CFAP20DC: variants seen among roughly 807,000 people sequenced by gnomAD.
The protein encoded by CFAP20DC is CFAP20 domain containing.
In CFAP20DC, 84 loss-of-function variants were observed where a neutral mutation model predicts 101.7. The ratio of observed to expected loss-of-function variants is 0.83; its 90% CI spans 0.69 to 0.99. CFAP20DC has a LOEUF of 0.99. Among genes scored for constraint, CFAP20DC ranks in the 50% least tolerant of loss-of-function variants. The probability of loss-of-function intolerance (pLI) is 0.00; values close to 1 mark genes in which losing one functional copy is unlikely to be tolerated. For missense variants in CFAP20DC, 1,007 were observed against 970.3 expected (o/e 1.04, Z -0.50); for synonymous variants, 359 against 351.2 (o/e 1.02, Z -0.25).
At chr3:59,038,222 T>C (rs1205603277) in intron 4 of CFAP20DC, among the ~76,000 whole-genome samples, 2 of 152,142 alleles carry the variant, frequency 1.3e-5, no homozygotes, top group African/African-American at 4.8e-5. Context: ...ATGGCACGTG[T>C]ATACCCATGT....
At chr3:58,930,734 A>C (rs748951498) in intron 5 of CFAP20DC, among the ~76,000 whole-genome samples, 52 of 152,214 alleles carry the variant, frequency 3.4e-4, no homozygotes, top group Non-Finnish European at 5.9e-4. Flanking sequence ...CTGGTTTTCC[A>C]CTTATAAAAG....
chr3:58,849,486 T>C (rs948915356), intron 12 of CFAP20DC, 77 bp from the exon 13 acceptor site: 4 of 1,082,762 alleles, frequency 3.7e-6, no homozygotes, highest in Admixed American at 3.0e-5. Flanking sequence ...AAGTTCTTAA[T>C]AAATTCATAT....
In CFAP20DC at chr3:58,863,511, A is replaced by C; in HGVS notation, c.1593+47T>G. 6.2e-7 allele frequency: 1 copy of C among 1,604,358 alleles called. No homozygotes were observed. Among genetic ancestry groups the C allele is most frequent in the Non-Finnish European group, 8.5e-7 (1 of 1,176,240 alleles). On this transcript the variant is annotated intron_variant, in intron 12 of 16. Coordinates refer to ENST00000482387, the MANE Select transcript of CFAP20DC (RefSeq NM_001394063.1). This position sits in a 1 kb window ranked among gnomAD's most constrained non-coding sequence, Gnocchi z 5.9. ...CTTGTTTTAGTGCTTATTGGAGCTA[A>C]GGAAACAACTGTGCTTCAAGACTAC...
At chr3:58,822,874 A>G (rs1050321583) in intron 14 of CFAP20DC, among the ~76,000 whole-genome samples, 4 of 151,956 alleles carry the variant, frequency 2.6e-5, no homozygotes, top group African/African-American at 7.3e-5. Flanking sequence ...TTTTCTGAAC[A>G]CCCCCTGGAG....
At chr3:58,798,373 T>A (rs2107676423) in intron 15 of CFAP20DC, among the ~76,000 whole-genome samples, 1 of 152,302 alleles carries the variant, frequency 6.6e-6, no homozygotes, top group South Asian at 2.1e-4. Flanking sequence ...GTGGTGGAAA[T>A]AGCAAGAGAA....
At position 58,771,426 on chromosome 3, in the gene CFAP20DC, A is replaced by C. The variant is rs534565484; in HGVS notation, c.2238-17563T>G. On this transcript the variant is annotated intron_variant, in intron 15 of 16. Coordinates refer to ENST00000482387, the MANE Select transcript of CFAP20DC (RefSeq NM_001394063.1). ...AAAAACAAAAAAAAACAAGCAAAAAACAAAAACAAACAAAAAAGAAACATA... is the reference window on the plus strand; with the variant it reads ...AAAAACAAAAAAAAACAAGCAAAAACCAAAAACAAACAAAAAAGAAACATA... 4.6e-5 allele frequency among the ~76,000 whole-genome samples: 7 copies of C among 152,214 alleles called. No individual in the cohort carries two copies. The East Asian group carries it at 5.8e-4, about 13-fold the overall frequency.
In CFAP20DC at chr3:59,045,690, T is replaced by A. The variant is rs868629804; in HGVS notation, c.205+539A>T. Among the ~76,000 whole-genome samples the A allele has an allele frequency of 5.3e-5, 8 of 152,136 alleles. No homozygotes were observed. The South Asian group carries it at 1.0e-3, about 20-fold the overall frequency. ...CTTTGTTAAATCACATATTCATATA[T>A]ATACTTTATGATTAATATTAAAAGG... On this transcript the variant is annotated intron_variant, in intron 3 of 16. Transcript: ENST00000482387.
intron 14 of CFAP20DC, among the ~76,000 whole-genome samples, chr3:58,818,403 G>C (rs1158021976): frequency 1.3e-5 from 2 of 148,292 alleles, no homozygotes; most frequent in African/African-American, 5.2e-5. Context: ...CCCATCTCAC[G>C]TGCAGAGACA....
At position 58,914,183 on chromosome 3, in the gene CFAP20DC, G is replaced by A. The variant is rs1374792313; in HGVS notation, c.394-319C>T. ...CCAGCAGGAAGCTAATTGCAGGTGT[G>A]TTAGACCAGTGACATCTTGAAAATC... On this transcript the variant is annotated intron_variant, in intron 5 of 16. Coordinates refer to ENST00000482387, the MANE Select transcript of CFAP20DC (RefSeq NM_001394063.1). The surrounding 1 kb of genome is among the most constrained non-coding windows in gnomAD (Gnocchi z 4.9). Among the ~76,000 whole-genome samples the A allele has an allele frequency of 1.3e-5, 2 of 152,130 alleles. No individual in the cohort carries two copies. The highest frequency in any genetic ancestry group is 1.5e-5 in the Non-Finnish European group (1 of 68,018).
Position 58,724,842 on chromosome 3 carries a change from G to T in CFAP20DC, c.198-7214C>A, listed in dbSNP as rs1344372633. ...GGTGTTGAGGCTGGTCCCCAACACA[G>T]CAGCAGTTGGGATCTGGAAGTCAGC... On this transcript the variant is annotated intron_variant, in intron 3 of 3. Transcript: ENST00000486145. This position sits in a 1 kb window ranked among gnomAD's most constrained non-coding sequence, Gnocchi z 5.6. Among the ~76,000 whole-genome samples, 1 of 152,098 alleles carries T rather than the reference G, an allele frequency of 6.6e-6. No homozygotes were observed. The highest frequency in any genetic ancestry group is 1.5e-5 in the Non-Finnish European group (1 of 68,022).
rs1055346992 is a variant in CFAP20DC at position 59,001,262 on chromosome 3, T to G, written c.278+38295A>C. On this transcript the variant is annotated intron_variant, in intron 4 of 16. Transcript: ENST00000482387. The surrounding 1 kb of genome is among the most constrained non-coding windows in gnomAD (Gnocchi z 4.5). ...CCTTGAAGATTCTTTGATACTACTA[T>G]AAAAATACAAGGCCTGATAGACTGC... Among the ~76,000 whole-genome samples, 2 of 152,114 alleles carry G rather than the reference T, an allele frequency of 1.3e-5. No individual in the cohort carries two copies. The highest frequency in any genetic ancestry group is 4.8e-5 in the African/African-American group (2 of 41,418).
intron 15 of CFAP20DC, among the ~76,000 whole-genome samples, chr3:58,794,827 A>G (rs2073115730): frequency 6.6e-6 from 1 of 152,224 alleles, no homozygotes; most frequent in Admixed American, 6.5e-5. Flanking sequence ...TTAAAGTCAC[A>G]TAGTAGGTAC....
rs959076136 is a variant in CFAP20DC, at chr3:58,799,869, A to G, written c.2237+6526T>C. On this transcript the variant is annotated intron_variant, in intron 15 of 16. Transcript: ENST00000482387. The surrounding 1 kb of genome is among the most constrained non-coding windows in gnomAD (Gnocchi z 4.9). ...GACTGAGGGCTATTTTAGGGTGGACACTAAGAAAGGGCCTCCTGAGGAGAG... is the reference window on the plus strand; with the variant it reads ...GACTGAGGGCTATTTTAGGGTGGACGCTAAGAAAGGGCCTCCTGAGGAGAG... Among the ~76,000 whole-genome samples, 1 of 152,168 alleles carries G rather than the reference A, an allele frequency of 6.6e-6. No individual in the cohort carries two copies. Among genetic ancestry groups the G allele is most frequent in the Non-Finnish European group, 1.5e-5 (1 of 68,022 alleles).
intron 15 of CFAP20DC, among the ~76,000 whole-genome samples, chr3:58,758,823 T>C (rs975432007): frequency 1.3e-5 from 2 of 152,098 alleles, no homozygotes; most frequent in African/African-American, 4.8e-5. Flanking sequence ...TTGCTGAGAA[T>C]GATGGTTTCC....
chr3:59,031,826 T>C (rs905187923), intron 4 of CFAP20DC, among the ~76,000 whole-genome samples: 3 of 152,228 alleles, frequency 2.0e-5, no homozygotes, highest in Non-Finnish European at 2.9e-5. Flanking sequence ...CTCATTTTAT[T>C]AAGAAAGCTC....
chr3:58,871,357 C>T lies in CFAP20DC; in HGVS notation c.716-1048G>A, dbSNP rs114079224. 1.7e-3 allele frequency among the ~76,000 whole-genome samples: 260 copies of T among 152,106 alleles called. 1 individual carries two copies. The highest frequency in any genetic ancestry group is 6.0e-3 in the African/African-American group (247 of 41,504). ...AAGAGCCTATTCTAAATTTGGTAGG[C>T]AACAAGGAATCCCTGAAGGTTTTAG... is the stretch of plus-strand genomic sequence containing the variant. On this transcript the variant is annotated intron_variant, in intron 7 of 16. Transcript: ENST00000482387.
rs574918087 is a variant in CFAP20DC, at chr3:58,934,385, C to T, written c.393+3263G>A. Among the ~76,000 whole-genome samples, 15 of 152,196 alleles carry T rather than the reference C, an allele frequency of 9.9e-5. No individual in the cohort carries two copies. In the East Asian group the frequency reaches 1.5e-3, roughly 16 times the overall value. On this transcript the variant is annotated intron_variant, in intron 5 of 16. Coordinates refer to ENST00000482387, the MANE Select transcript of CFAP20DC (RefSeq NM_001394063.1). ...CCATTCCTTCTGAAACTATTCCAATCAATAGAAAAAGAAGGAATCCTCCCT... is the reference window on the plus strand; with the variant it reads ...CCATTCCTTCTGAAACTATTCCAATTAATAGAAAAAGAAGGAATCCTCCCT...
intron 6 of CFAP20DC, among the ~76,000 whole-genome samples, chr3:58,893,401 G>C (rs978121190): frequency 6.6e-5 from 10 of 152,162 alleles, no homozygotes; most frequent in Middle Eastern, 6.3e-3. Context: ...TAATCATGTG[G>C]TTTTTGTCTT....
intron 16 of CFAP20DC, among the ~76,000 whole-genome samples, chr3:58,749,463 C>T (rs1323488538): frequency 1.3e-5 from 2 of 152,180 alleles, no homozygotes; most frequent in African/African-American, 4.8e-5. Context: ...GAAGCCATAA[C>T]ATTTCTGTAA....
Sources: gnomAD v4.1 joint callset for allele counts (sites outside exome capture counted in the v4.1 genomes callset) on GRCh38, gnomAD v4.1.1 for gene constraint, Gnocchi (gnomAD v3.1) non-coding constraint, MANE v1.5 for transcripts, NCBI Gene and HGNC (gene_info 2026-07-23, HGNC 2026-07-21) for gene names.